Variants in FRMD3 observed in about 807,000 individuals in gnomAD.
FRMD3 encodes FERM domain containing 3.
FRMD3 carries 33 observed loss-of-function variants against 70.2 expected under a neutral mutation model. The observed-to-expected ratio is 0.47, with a 90% CI of 0.36 to 0.63. The LOEUF is 0.63. Among genes scored for constraint, FRMD3 ranks in the 20% least tolerant of loss-of-function variants. The pLI is 0.00. For missense variants in FRMD3, 632 were observed against 711.4 expected, an observed-to-expected ratio of 0.89 and a Z score of 1.27; for synonymous variants, 279 against 255.9, an observed-to-expected ratio of 1.09 and a Z score of -0.86.
chr9:83,514,052 C>T (rs751481099), intron 1 of FRMD3, among the ~76,000 whole-genome samples: 9 of 152,132 alleles, frequency 5.9e-5, no homozygotes, highest in African/African-American at 1.9e-4. Context: ...GGGCAGACAC[C>T]GAGCTAGCTG....
At chr9:83,288,629 T>C (rs1834306107) in intron 13 of FRMD3, among the ~76,000 whole-genome samples, 1 of 152,216 alleles carries the variant, frequency 6.6e-6, no homozygotes, top group Non-Finnish European at 1.5e-5. Context: ...GTAAAATAAT[T>C]GAAGATGGTT....
chr9:83,273,258 A>G (rs1184915036), intron 13 of FRMD3, among the ~76,000 whole-genome samples: 2 of 152,084 alleles, frequency 1.3e-5, no homozygotes, highest in Admixed American at 6.5e-5. Flanking sequence ...AGAAGTAGAC[A>G]TGGGAGACTC....
chr9:83,467,848 G>C (rs952346261), intron 1 of FRMD3: 2 of 1,347,638 alleles, frequency 1.5e-6, no homozygotes, highest in African/African-American at 2.9e-5. Context: ...ATAGGTTGAT[G>C]GTTTTTTAAA....
chr9:83,405,341 G>A (rs1342589676), intron 1 of FRMD3, among the ~76,000 whole-genome samples: 2 of 152,110 alleles, frequency 1.3e-5, no homozygotes, highest in East Asian at 1.9e-4. Flanking sequence ...TTAGCAGAGC[G>A]CCACCCTGGC....
chr9:83,384,038 C>A (rs895365935), intron 2 of FRMD3, among the ~76,000 whole-genome samples: 3 of 152,180 alleles, frequency 2.0e-5, no homozygotes, highest in Non-Finnish European at 4.4e-5. Flanking sequence ...CAATATATTC[C>A]ATTTTCAAGT....
intron 6 of FRMD3, chr9:83,332,005 A>G (rs566038186): frequency 3.0e-6 from 2 of 664,134 alleles, no homozygotes; most frequent in Admixed American, 4.8e-5. Flanking sequence ...ACATCTGGCA[A>G]ATCCAAGTTT....
chr9:83,354,958 T>C (rs1023763521), intron 3 of FRMD3, among the ~76,000 whole-genome samples: 2 of 152,194 alleles, frequency 1.3e-5, no homozygotes, highest in African/African-American at 4.8e-5. Flanking sequence ...TTGGGGGTCA[T>C]CTTTAACCCC....
intron 1 of FRMD3, among the ~76,000 whole-genome samples, chr9:83,412,624 C>T (rs1207359214): frequency 6.6e-6 from 1 of 152,212 alleles, no homozygotes; most frequent in African/African-American, 2.4e-5. Flanking sequence ...ACGGCTTTTG[C>T]CGCAACCAAC....
chr9:83,287,239 A>G (rs1359532297), intron 13 of FRMD3, among the ~76,000 whole-genome samples: 1 of 152,190 alleles, frequency 6.6e-6, no homozygotes, highest in Non-Finnish European at 1.5e-5. Flanking sequence ...ATTCAGCAGT[A>G]TCTGGAGACA....
At chr9:83,269,130 T>A (rs73479743) in intron 13 of FRMD3, among the ~76,000 whole-genome samples, 10,375 of 152,194 alleles carry the variant, frequency 0.068, 990 homozygotes, top group African/African-American at 0.22. Context: ...ACACGATGAA[T>A]TTCATAGATT....
intron 1 of FRMD3, among the ~76,000 whole-genome samples, chr9:83,531,238 AAT>A (rs1378870379): frequency 6.6e-6 from 1 of 152,212 alleles, no homozygotes; most frequent in African/African-American, 2.4e-5. Context: ...AAGACTTCTG[AAT>A]ATATGAGTCA....
At position 83,384,696 on chromosome 9, in the gene FRMD3, G is replaced by A. The variant is rs960773879; in HGVS notation, c.252+4908C>T. 1.2e-4 allele frequency among the ~76,000 whole-genome samples: 19 copies of A among 152,076 alleles called. 1 individual carries two copies. Among genetic ancestry groups the A allele is most frequent in the Admixed American group, 9.2e-4 (14 of 15,270 alleles). On this transcript the variant is annotated intron_variant, in intron 2 of 13. Coordinates refer to ENST00000304195, the MANE Select transcript of FRMD3 (RefSeq NM_174938.6). ...AACCTATTAAATCCTCTAGCATCTGGTAGACATTAAGACACAATGGCCTAT... is the reference window on the plus strand; with the variant it reads ...AACCTATTAAATCCTCTAGCATCTGATAGACATTAAGACACAATGGCCTAT...
intron 12 of FRMD3, among the ~76,000 whole-genome samples, chr9:83,291,645 C>A (rs1834423462): frequency 6.6e-6 from 1 of 152,042 alleles, no homozygotes; most frequent in Admixed American, 6.6e-5. Context: ...TGCATTTTCA[C>A]CTCTGTCTCT....
intron 1 of FRMD3, among the ~76,000 whole-genome samples, chr9:83,501,593 T>C (rs1435827494): frequency 1.3e-5 from 2 of 152,220 alleles, no homozygotes; most frequent in African/African-American, 4.8e-5. Flanking sequence ...TACAAATGTG[T>C]TGATAATTAC....
At chr9:83,371,145 C>A (rs1390336428) in intron 3 of FRMD3, among the ~76,000 whole-genome samples, 2 of 151,980 alleles carry the variant, frequency 1.3e-5, no homozygotes, top group Admixed American at 6.6e-5. Flanking sequence ...GTCAAAGAAC[C>A]ATTTGTTATA....
the FRMD3 span, among the ~76,000 whole-genome samples, chr9:83,571,737 T>C: frequency 6.6e-6 from 1 of 152,230 alleles, no homozygotes; most frequent in South Asian, 2.1e-4. Flanking sequence ...TCTGTAACTT[T>C]ACTCTCTGAC....
rs1832141351 is a variant in FRMD3 at position 83,247,068 on chromosome 9, C to A, written c.*850G>T. Reference sequence around the variant, plus strand: ...CTTTTTAAAACATCTGCTTCTCCAGCCAAAATATACGGACAGAATACAAAT... The same window carrying A: ...CTTTTTAAAACATCTGCTTCTCCAGACAAAATATACGGACAGAATACAAAT... On this transcript the variant is annotated 3_prime_UTR_variant, in exon 14 of 14. Coordinates refer to ENST00000304195, the MANE Select transcript of FRMD3 (RefSeq NM_174938.6). The A allele has an allele frequency of 1.0e-6, 1 of 985,402 alleles. No homozygotes were observed. The allele number at this position is 985,402 out of a possible 1,614,324, so 61.0% of individuals were successfully genotyped here.
chr9:83,401,054 A>G (rs1825938380), intron 1 of FRMD3, among the ~76,000 whole-genome samples: 3 of 152,188 alleles, frequency 2.0e-5, no homozygotes, highest in Non-Finnish European at 1.5e-5. Flanking sequence ...CAGATTCCTA[A>G]TTAACAAGCA....
At chr9:83,441,076 C>T (rs1403865722) in intron 1 of FRMD3, among the ~76,000 whole-genome samples, 4 of 152,186 alleles carry the variant, frequency 2.6e-5, no homozygotes, top group Non-Finnish European at 4.4e-5. Context: ...TTCAGGGTCA[C>T]TGTGTGACCA....
Sources: allele counts gnomAD v4.1 joint callset (sites outside exome capture counted in the v4.1 genomes callset), GRCh38; gene constraint gnomAD v4.1.1; transcripts MANE v1.5; gene names NCBI Gene and HGNC (gene_info 2026-07-23, HGNC 2026-07-21).